The following GPR83 variants were observed in gnomAD, a reference collection of about 807,000 sequenced individuals.
The protein encoded by GPR83 is G protein-coupled receptor 83, also known as G-protein coupled receptor 72.
GPR83 carries 23 observed loss-of-function variants against 28.0 expected under a neutral mutation model. The ratio of observed to expected loss-of-function variants is 0.82; its 90% CI spans 0.59 to 1.16. The LOEUF is 1.16. Among genes scored for constraint, GPR83 ranks in the 50% most tolerant of loss-of-function variants. The pLI is 0.00. For missense variants in GPR83, 610 were observed against 536.6 expected (o/e 1.14, Z -1.35); for synonymous variants, 234 against 215.4 (o/e 1.09, Z -0.76).
In GPR83 at chr11:94,401,377, GC is replaced by G; in HGVS notation, c.-131del. The G allele has an allele frequency of 2.3e-6, 2 of 880,152 alleles. No individual in the cohort carries two copies. Among genetic ancestry groups the G allele is most frequent in the Admixed American group, 7.7e-5 (2 of 25,970 alleles). 54.5% of individuals were successfully genotyped at this position (880,152 alleles called of 1,614,324 possible). On this transcript the variant is annotated 5_prime_UTR_variant, in exon 1 of 4. Transcript: ENST00000243673. ...TCCCGAGGAGCCAGGGAGCCCGGAC[GC>G]GCGGAGCACCGCGCCGCCCGCCACC... is the stretch of plus-strand genomic sequence containing the variant.
Position 94,378,529 on chromosome 11 carries a change from C to T in GPR83, c.*1620G>A, listed in dbSNP as rs1443155277. On this transcript the variant is annotated 3_prime_UTR_variant, in exon 4 of 4. Transcript: ENST00000243673. ...AGAAGGTGATAAAAACAATCAGTCC[C>T]TGGAATGAGATTTCTCTGGCAAGTT... is the stretch of plus-strand genomic sequence containing the variant. The T allele has an allele frequency of 6.6e-6, 1 of 152,268 alleles. No homozygotes were observed. Among genetic ancestry groups the T allele is most frequent in the African/African-American group, 2.4e-5 (1 of 41,418 alleles). The allele number at this position is 152,268 out of a possible 1,614,324, so 9.4% of individuals were successfully genotyped here.
rs370717424 is a variant in GPR83, at chr11:94,380,650, C to T, written c.771G>A (p.Val257=). ...LYILPLLIIS[V]AYARVAKKLW... is the part of the protein sequence containing the mutation. ...GTTTCTTGGCCACACGAGCGTAGGC[C>T]ACAGAGATGATGAGGAGGGGCAGGA... The change falls in exon 4 of 4, where the codon GTG becomes GTA. Residue 257 remains valine (V), a synonymous_variant. Transcript: ENST00000243673. 22 of 1,613,872 alleles carry T rather than the reference C, an allele frequency of 1.4e-5. No individual in the cohort carries two copies. The highest frequency in any genetic ancestry group is 1.7e-5 in the Non-Finnish European group (20 of 1,180,010).
intron 3 of GPR83, among the ~76,000 whole-genome samples, chr11:94,387,901 C>T (rs535679451): frequency 2.6e-5 from 4 of 152,280 alleles, no homozygotes; most frequent in South Asian, 2.1e-4. Context: ...ATATCCCAGA[C>T]GAACATCAAT....
intron 3 of GPR83, among the ~76,000 whole-genome samples, chr11:94,381,181 G>A (rs916783335): frequency 2.0e-5 from 3 of 152,176 alleles, no homozygotes; most frequent in Non-Finnish European, 4.4e-5. Flanking sequence ...GAAAAGAAAT[G>A]ATGGATCTTG....
At chr11:94,387,171 T>G (rs1384396780) in intron 3 of GPR83, among the ~76,000 whole-genome samples, 1 of 152,172 alleles carries the variant, frequency 6.6e-6, no homozygotes, top group East Asian at 1.9e-4. Flanking sequence ...GGGACACATT[T>G]AAAACAGTGT....
In GPR83 at chr11:94,401,037, T is replaced by C; in HGVS notation, c.211A>G (p.Lys71Glu). 2 of 1,614,188 alleles carry C rather than the reference T, an allele frequency of 1.2e-6. No individual in the cohort carries two copies. Among genetic ancestry groups the C allele is most frequent in the Non-Finnish European group, 1.7e-6 (2 of 1,179,986 alleles). The part of the protein sequence containing the change: ...YGAESQNPTV[K>E]ALLIVAYSFI... ...GAGTAAGCCACAATGAGCAGGGCTT[T>C]CACCGTGGGGTTCTGGGACTCAGCG... Residue 71 changes from lysine (K) to glutamate (E), a missense_variant, in exon 1 of 4, where the codon AAA becomes GAA. Physicochemically the swap from Lys to Glu is moderately conservative, Grantham distance 56. Coordinates refer to ENST00000243673, the MANE Select transcript of GPR83 (RefSeq NM_016540.4).
chr11:94,392,070 AC>A (rs1944822106), intron 3 of GPR83, among the ~76,000 whole-genome samples: 1 of 152,142 alleles, frequency 6.6e-6, no homozygotes, highest in Admixed American at 6.6e-5. Context: ...CTTGGAACCA[AC>A]CCAAATGTCC....
intron 3 of GPR83, among the ~76,000 whole-genome samples, chr11:94,392,523 T>C (rs1944826723): frequency 6.6e-6 from 1 of 151,934 alleles, no homozygotes; most frequent in South Asian, 2.1e-4. Flanking sequence ...CATCAATAAA[T>C]GACAAAAATC....
intron 3 of GPR83, among the ~76,000 whole-genome samples, chr11:94,382,755 T>C (rs1490549345): frequency 6.6e-6 from 1 of 152,164 alleles, no homozygotes; most frequent in African/African-American, 2.4e-5. Context: ...TCATCACACT[T>C]ATTCTAAAAT....
In GPR83 at chr11:94,383,871, C is replaced by A. The variant is rs537965702; in HGVS notation, c.648-3098G>T. 6.0e-4 allele frequency among the ~76,000 whole-genome samples: 92 copies of A among 152,230 alleles called. 2 individuals are homozygous for A. The South Asian group carries it at 0.018, about 31-fold the overall frequency. ...CTACCAACCAAAAAAAGTCCAGGAC[C>A]AGACAGATTCACAGCCAGATTCTAC... is the stretch of plus-strand genomic sequence containing the variant. On this transcript the variant is annotated intron_variant, in intron 3 of 3. Coordinates refer to ENST00000243673, the MANE Select transcript of GPR83 (RefSeq NM_016540.4).
Position 94,380,635 on chromosome 11 carries a change from C to A in GPR83, c.786G>T (p.Val262=). The A allele has an allele frequency of 6.2e-7, 1 of 1,614,044 alleles. No individual in the cohort carries two copies. Among genetic ancestry groups the A allele is most frequent in the South Asian group, 1.1e-5 (1 of 91,062 alleles). Residue 262 remains valine, a synonymous_variant, in exon 4 of 4, where the codon GTG becomes GTT. Transcript: ENST00000243673. ...TATTACACAGCCACAGTTTCTTGGC[C>A]ACACGAGCGTAGGCCACAGAGATGA... ...LLIISVAYAR[V]AKKLWLCNMI... is the part of the protein sequence containing the mutation.
At position 94,396,422 on chromosome 11, in the gene GPR83, CTGTCAG is replaced by C; in HGVS notation, c.484_489del (p.Leu162_Thr163del). ...ACCTGGTGGCGATCCACCGCAATGG[CTGTCAG>C]TGTCAGTGCTGAGACGTGCAGTGAG... On this transcript the variant is annotated inframe_deletion, in exon 2 of 4. Transcript: ENST00000243673. The C allele has an allele frequency of 6.2e-7, 1 of 1,613,962 alleles. No homozygotes were observed. The highest frequency in any genetic ancestry group is 8.5e-7 in the Non-Finnish European group (1 of 1,179,870).
intron 3 of GPR83, among the ~76,000 whole-genome samples, chr11:94,387,663 C>T (rs925172055): frequency 1.3e-5 from 2 of 152,070 alleles, no homozygotes; most frequent in African/African-American, 2.4e-5. Context: ...CAATAACAGG[C>T]TCTGAAATGG....
intron 3 of GPR83, among the ~76,000 whole-genome samples, chr11:94,385,152 G>A (rs1044663029): frequency 6.6e-6 from 1 of 152,148 alleles, no homozygotes; most frequent in Non-Finnish European, 1.5e-5. Flanking sequence ...CTGTTAGAAG[G>A]AAAACTAACA....
chr11:94,388,702 T>A (rs1322375861), intron 3 of GPR83, among the ~76,000 whole-genome samples: 1 of 152,236 alleles, frequency 6.6e-6, no homozygotes, highest in Non-Finnish European at 1.5e-5. Flanking sequence ...GAATATTCCA[T>A]GCTCGTGGGT....
intron 3 of GPR83, among the ~76,000 whole-genome samples, chr11:94,387,444 G>C (rs186993585): frequency 2.0e-5 from 3 of 152,020 alleles, no homozygotes; most frequent in Non-Finnish European, 4.4e-5. Context: ...GACTAATAAA[G>C]AAGAAAAGAG....
At position 94,380,476 on chromosome 11, in the gene GPR83, CA is replaced by C; in HGVS notation, c.944del (p.Leu315ArgfsTer21). 1 of 1,614,144 alleles carries C rather than the reference CA, an allele frequency of 6.2e-7. No homozygotes were observed. The highest frequency in any genetic ancestry group is 1.6e-4 in the Middle Eastern group (1 of 6,062). ...TGTTGGTGCGGATGACCTTGCTGGACAGGAGGAGGACGTAGCAGTTGAGGGG... is the reference window on the plus strand; with the variant it reads ...TGTTGGTGCGGATGACCTTGCTGGACGGAGGAGGACGTAGCAGTTGAGGGG... ...WFPLNCYVLL[L>X]SSKVIRTNNA... On this transcript the variant is annotated frameshift_variant, in exon 4 of 4. Coordinates refer to ENST00000243673, the MANE Select transcript of GPR83 (RefSeq NM_016540.4). LOFTEE classifies it high-confidence loss of function.
rs1227093977 is a variant in GPR83, at chr11:94,379,667, G to C, written c.*482C>G. 1 of 153,000 alleles carries C rather than the reference G, an allele frequency of 6.5e-6. No individual in the cohort carries two copies. Among genetic ancestry groups the C allele is most frequent in the Non-Finnish European group, 1.5e-5 (1 of 68,644 alleles). 9.5% of individuals were successfully genotyped at this position (153,000 alleles called of 1,614,324 possible). ...ATGGCCCAGTGACTCCAGAAAGTGAGGCATAAAAATCTCCACGCCCGCTCT... is the reference window on the plus strand; with the variant it reads ...ATGGCCCAGTGACTCCAGAAAGTGACGCATAAAAATCTCCACGCCCGCTCT... On this transcript the variant is annotated 3_prime_UTR_variant, in exon 4 of 4. Coordinates refer to ENST00000243673, the MANE Select transcript of GPR83 (RefSeq NM_016540.4).
intron 3 of GPR83, among the ~76,000 whole-genome samples, chr11:94,388,769 A>C (rs1173474175): frequency 6.6e-6 from 1 of 152,222 alleles, no homozygotes; most frequent in Non-Finnish European, 1.5e-5. Context: ...TATAGATTCA[A>C]TGCCATCCCC....
Sources: gnomAD v4.1 joint callset for allele counts (sites outside exome capture counted in the v4.1 genomes callset) on GRCh38, gnomAD v4.1.1 for gene constraint, MANE v1.5 for transcripts, NCBI Gene and HGNC (gene_info 2026-07-23, HGNC 2026-07-21) for gene names.